ADCK1: variants seen among roughly 807,000 people sequenced by gnomAD.
ADCK1 encodes the protein aarF domain containing kinase 1.
ADCK1 carries 41 observed loss-of-function variants against 52.3 expected under a neutral mutation model. That is an observed-to-expected ratio of 0.78 (90% CI 0.61 to 1.02). The LOEUF is 1.02. Among genes scored for constraint, ADCK1 ranks in the 50% least tolerant of loss-of-function variants. The pLI is 0.00. For missense variants in ADCK1, 658 were observed against 679.5 expected, an observed-to-expected ratio of 0.97 and a Z score of 0.35; for synonymous variants, 250 against 274.6, an observed-to-expected ratio of 0.91 and a Z score of 0.89.
rs530848637 is a variant in ADCK1, at chr14:77,920,599, G to A, written c.859-3858G>A. Among the ~76,000 whole-genome samples the A allele has an allele frequency of 4.4e-3, 669 of 152,032 alleles. 4 individuals are homozygous for A. The highest frequency in any genetic ancestry group is 7.6e-3 in the Non-Finnish European group (520 of 67,992). ...TATGTGGACTTGCCCCCTTATTAAC[G>A]AGTTAAAAAAACTTTGACACATGTT... On this transcript the variant is annotated intron_variant, in intron 7 of 10. Transcript: ENST00000238561.
intron 7 of ADCK1, among the ~76,000 whole-genome samples, chr14:77,911,640 G>A (rs2083793126): frequency 6.6e-6 from 1 of 152,106 alleles, no homozygotes; most frequent in Non-Finnish European, 1.5e-5. Context: ...AGTGCCTGGC[G>A]TGTGCTAAGT....
intron 7 of ADCK1, among the ~76,000 whole-genome samples, chr14:77,917,554 T>C (rs1309047441): frequency 6.6e-6 from 1 of 152,232 alleles, no homozygotes. Flanking sequence ...CTCATTGATT[T>C]AAATATTATT....
Position 77,860,787 on chromosome 14 carries a change from C to T in ADCK1, c.423+1508C>T, listed in dbSNP as rs539564427. On this transcript the variant is annotated intron_variant, in intron 4 of 10. Coordinates refer to ENST00000238561, the MANE Select transcript of ADCK1 (RefSeq NM_020421.4). ...TCTTGGCCCCCAGCTTCTAACAGCA[C>T]GAGATTCACCCCCAAATTAAAACTA... Among the ~76,000 whole-genome samples, 16 of 152,268 alleles carry T rather than the reference C, an allele frequency of 1.1e-4. No homozygotes were observed. In the South Asian group the frequency reaches 3.1e-3, roughly 30 times the overall value.
chr14:77,865,744 T>C (rs1295396722), intron 4 of ADCK1, among the ~76,000 whole-genome samples: 1 of 152,182 alleles, frequency 6.6e-6, no homozygotes, highest in Non-Finnish European at 1.5e-5. Flanking sequence ...TTACTTAACC[T>C]CTCTGTCCTG....
At chr14:77,829,881 C>T (rs1333851162) in intron 3 of ADCK1, among the ~76,000 whole-genome samples, 2 of 151,074 alleles carry the variant, frequency 1.3e-5, no homozygotes, top group Admixed American at 6.6e-5. Context: ...AAACATGTAG[C>T]CTTGGGGACA....
At chr14:77,800,926 T>C (rs1280774175) in intron 1 of ADCK1, among the ~76,000 whole-genome samples, 4 of 152,206 alleles carry the variant, frequency 2.6e-5, no homozygotes, top group African/African-American at 9.6e-5. Context: ...GCTTCATATG[T>C]TTTATTTAAT....
chr14:77,832,957 C>G (rs1038967864), intron 3 of ADCK1, among the ~76,000 whole-genome samples: 1 of 152,164 alleles, frequency 6.6e-6, no homozygotes, highest in Admixed American at 6.5e-5. Context: ...CATTAGCTAA[C>G]GTTAACTGAG....
intron 4 of ADCK1, among the ~76,000 whole-genome samples, chr14:77,874,696 G>A (rs1323347193): frequency 2.0e-5 from 3 of 152,128 alleles, no homozygotes; most frequent in East Asian, 1.9e-4. Flanking sequence ...TATTTAGTGC[G>A]CTTCTGTGTG....
intron 1 of ADCK1, among the ~76,000 whole-genome samples, chr14:77,805,612 T>C (rs1399193068): frequency 6.6e-6 from 1 of 152,126 alleles, no homozygotes; most frequent in Non-Finnish European, 1.5e-5. Flanking sequence ...TCAACCTCTG[T>C]TCTAGACAGA....
intron 7 of ADCK1, among the ~76,000 whole-genome samples, chr14:77,913,357 C>A (rs1292465714): frequency 3.3e-5 from 5 of 152,200 alleles, no homozygotes; most frequent in Non-Finnish European, 7.3e-5. Context: ...ACAGCCCTGC[C>A]CAGGGGTGCC....
intron 4 of ADCK1, among the ~76,000 whole-genome samples, chr14:77,880,744 C>G (rs1475001658): frequency 6.6e-6 from 1 of 152,212 alleles, no homozygotes; most frequent in Non-Finnish European, 1.5e-5. Context: ...GCAGGAAGCA[C>G]TGTCTCCAGC....
At chr14:77,800,289 C>T (rs1455872472) in intron 1 of ADCK1, 119 bp downstream of exon 1, 1 of 152,382 alleles carries the variant, frequency 6.6e-6, no homozygotes. Context: ...TCGGCCTCTG[C>T]TCCGGTTGTG....
intron 4 of ADCK1, among the ~76,000 whole-genome samples, chr14:77,885,368 A>G (rs7146747): frequency 0.13 from 19,385 of 152,230 alleles, 1,482 homozygotes; most frequent in African/African-American, 0.19. Flanking sequence ...ACCAACCAGG[A>G]TGAAGGGGGC....
At chr14:77,826,369 G>A (rs2081706124) in intron 3 of ADCK1, among the ~76,000 whole-genome samples, 1 of 52,082 alleles carries the variant, frequency 1.9e-5, no homozygotes, top group Non-Finnish European at 5.0e-5. Context: ...AGAGCCAGGA[G>A]GCTAGCTTCG....
At chr14:77,900,133 A>T (rs1156346874) in intron 6 of ADCK1, among the ~76,000 whole-genome samples, 1 of 152,248 alleles carries the variant, frequency 6.6e-6, no homozygotes, top group East Asian at 1.9e-4. Flanking sequence ...AGAAGATAGG[A>T]ATGAATAAAA....
chr14:77,921,341 A>G (rs1161346347), intron 7 of ADCK1, among the ~76,000 whole-genome samples: 2 of 149,436 alleles, frequency 1.3e-5, no homozygotes, highest in Admixed American at 6.6e-5. Flanking sequence ...AAAAAAAAAA[A>G]AAAAAAAGAA....
chr14:77,807,067 C>CTTTTTTTTTTT (rs36088814), intron 1 of ADCK1, among the ~76,000 whole-genome samples: 5 of 83,210 alleles, frequency 6.0e-5, no homozygotes, highest in African/African-American at 2.6e-4. Context: ...GAGACAGAGT[C>CTTTTTTTTTTT]TTTTTTTTTT....
At chr14:77,885,529 A>T (rs1186275574) in intron 4 of ADCK1, among the ~76,000 whole-genome samples, 1 of 152,170 alleles carries the variant, frequency 6.6e-6, no homozygotes, top group African/African-American at 2.4e-5. Context: ...GGAGGGAGTG[A>T]TTTATGAGAC....
intron 4 of ADCK1, among the ~76,000 whole-genome samples, chr14:77,877,711 T>C (rs1358006699): frequency 6.6e-6 from 1 of 152,162 alleles, no homozygotes; most frequent in African/African-American, 2.4e-5. Flanking sequence ...TTCAAACGAT[T>C]CTCCTGCCTC....
Sources: gnomAD v4.1 joint callset for allele counts (sites outside exome capture counted in the v4.1 genomes callset) on GRCh38, gnomAD v4.1.1 for gene constraint, MANE v1.5 for transcripts, NCBI Gene and HGNC (gene_info 2026-07-23, HGNC 2026-07-21) for gene names.